ZNF609: variants seen among roughly 807,000 people sequenced by gnomAD.
The protein encoded by ZNF609 is zinc finger protein 609.
ZNF609 carries 11 observed loss-of-function variants against 109.5 expected under a neutral mutation model. That is an observed-to-expected ratio of 0.10 (90% CI 0.06 to 0.17). The LOEUF (loss-of-function observed/expected upper bound fraction) is 0.17. Among genes scored for constraint, ZNF609 ranks in the 10% least tolerant of loss-of-function variants. The pLI, the probability that ZNF609 is intolerant of heterozygous loss-of-function variation, is 1.00. For missense variants in ZNF609, 1,559 were observed against 1,772.4 expected (o/e 0.88, Z 2.16); for synonymous variants, 646 against 662.0 (o/e 0.98, Z 0.37).
At position 64,577,345 on chromosome 15, in the gene ZNF609, GTA is replaced by G. The variant is rs1459001053; in HGVS notation, c.748-45473_748-45472del. 4.3e-3 allele frequency among the ~76,000 whole-genome samples: 46 copies of G among 10,618 alleles called. 21 individuals are homozygous for G. The highest frequency in any genetic ancestry group is 7.4e-3 in the Non-Finnish European group (20 of 2,702). 7.0% of individuals were successfully genotyped at this position (10,618 alleles called of 152,430 possible). A position where few individuals can be genotyped will look rare whatever the true frequency, so the allele number is the denominator to read the frequency against. ...TACACACAAATATATACATATATAT[GTA>G]TATATATACACATATATGTATATAT... On this transcript the variant is annotated intron_variant, in intron 2 of 9. Transcript: ENST00000326648.
intron 3 of ZNF609, among the ~76,000 whole-genome samples, chr15:64,625,851 T>TGC (rs1292963667): frequency 7.7e-6 from 1 of 130,596 alleles, no homozygotes; most frequent in Non-Finnish European, 1.5e-5. Flanking sequence ...ATTGCACCAC[T>TGC]GCACTCCAGC....
At chr15:64,577,005 T>C (rs1894976572) in intron 2 of ZNF609, among the ~76,000 whole-genome samples, 1 of 125,418 alleles carries the variant, frequency 8.0e-6, no homozygotes, top group Non-Finnish European at 1.7e-5. Context: ...TAAATATATA[T>C]ATGTATGTAT....
intron 2 of ZNF609, among the ~76,000 whole-genome samples, chr15:64,583,223 G>T (rs1444507557): frequency 6.6e-6 from 1 of 151,896 alleles, no homozygotes; most frequent in East Asian, 1.9e-4. Flanking sequence ...AGTAGAGACG[G>T]GGTTTCATCA....
At chr15:64,463,974 A>C (rs936604741) in intron 1 of ZNF609, among the ~76,000 whole-genome samples, 1 of 152,116 alleles carries the variant, frequency 6.6e-6, no homozygotes, top group Non-Finnish European at 1.5e-5. Flanking sequence ...CCCTTGCCAC[A>C]AGGAATCTCA....
At chr15:64,572,224 G>A (rs1894869406) in intron 2 of ZNF609, among the ~76,000 whole-genome samples, 1 of 152,212 alleles carries the variant, frequency 6.6e-6, no homozygotes, top group Non-Finnish European at 1.5e-5. Context: ...CTGGCCAGGT[G>A]TGGTAGCTGA....
chr15:64,633,456 T>G (rs1896117572), intron 3 of ZNF609, among the ~76,000 whole-genome samples: 1 of 152,100 alleles, frequency 6.6e-6, no homozygotes, highest in African/African-American at 2.4e-5. Flanking sequence ...CTATAATATT[T>G]TCTTACGGAA....
intron 2 of ZNF609, among the ~76,000 whole-genome samples, chr15:64,606,388 G>A (rs1267858645): frequency 2.6e-5 from 4 of 151,102 alleles, no homozygotes; most frequent in South Asian, 2.1e-4. Context: ...GTGAAACCCC[G>A]TCTCTACTAA....
intron 2 of ZNF609, among the ~76,000 whole-genome samples, chr15:64,549,454 G>C (rs1894427208): frequency 6.6e-6 from 1 of 152,164 alleles, no homozygotes; most frequent in Admixed American, 6.5e-5. Flanking sequence ...GGGATTACAG[G>C]CATGAGCCAC....
At chr15:64,554,679 C>T (rs952210894) in intron 2 of ZNF609, among the ~76,000 whole-genome samples, 3 of 152,104 alleles carry the variant, frequency 2.0e-5, no homozygotes, top group Non-Finnish European at 4.4e-5. Flanking sequence ...TAGTCTCTTA[C>T]TATGGTGAAT....
chr15:64,578,761 G>A (rs1344472310), intron 2 of ZNF609, among the ~76,000 whole-genome samples: 1 of 152,194 alleles, frequency 6.6e-6, no homozygotes, highest in African/African-American at 2.4e-5. Context: ...CACTTTGGGA[G>A]GCCAAGGCGC....
At chr15:64,530,178 C>A (rs1894039039) in intron 2 of ZNF609, among the ~76,000 whole-genome samples, 1 of 152,016 alleles carries the variant, frequency 6.6e-6, no homozygotes, top group Admixed American at 6.6e-5. Flanking sequence ...CCACGCCTGG[C>A]TAATTTTTGT....
At chr15:64,564,872 G>T (rs1894750232) in intron 2 of ZNF609, among the ~76,000 whole-genome samples, 1 of 150,876 alleles carries the variant, frequency 6.6e-6, no homozygotes, top group African/African-American at 2.4e-5. Flanking sequence ...TTTAGAAACG[G>T]AGTCTCGCTC....
At chr15:64,560,671 G>A (rs1894661505) in intron 2 of ZNF609, among the ~76,000 whole-genome samples, 5 of 152,120 alleles carry the variant, frequency 3.3e-5, no homozygotes, top group Admixed American at 3.3e-4. Context: ...GGGATGCTTG[G>A]CAAGAGGAGT....
intron 2 of ZNF609, among the ~76,000 whole-genome samples, chr15:64,613,034 A>T (rs1427818399): frequency 6.6e-6 from 1 of 151,790 alleles, no homozygotes; most frequent in African/African-American, 2.4e-5. Context: ...AAAGAAAAGG[A>T]CCTGAGGCCA....
chr15:64,638,178 A>G lies in ZNF609; in HGVS notation c.973+15126A>G, dbSNP rs191246956. ...TATCAAAAAGACCATCCTTTCCCCC[A>G]TTGCACAGCAGTGTCACATTTGTCG... On this transcript the variant is annotated intron_variant, in intron 3 of 9. Transcript: ENST00000326648. 1.5e-3 allele frequency among the ~76,000 whole-genome samples: 226 copies of G among 151,650 alleles called. 1 individual carries two copies. Among genetic ancestry groups the G allele is most frequent in the African/African-American group, 5.2e-3 (214 of 41,382 alleles).
At chr15:64,507,196 G>A (rs76154929) in intron 2 of ZNF609, among the ~76,000 whole-genome samples, 1,977 of 152,282 alleles carry the variant, frequency 0.013, 33 homozygotes, top group African/African-American at 0.046. Context: ...GCAATCTCAC[G>A]GACACTGGAG....
chr15:64,459,994 A>T (rs537816218), upstream of ZNF609, among the ~76,000 whole-genome samples: 2 of 152,308 alleles, frequency 1.3e-5, no homozygotes, highest in African/African-American at 4.8e-5. Context: ...AAAGGGATAT[A>T]TAGAGGGATT....
At chr15:64,534,407 C>T (rs910963833) in intron 2 of ZNF609, among the ~76,000 whole-genome samples, 15 of 152,022 alleles carry the variant, frequency 9.9e-5, no homozygotes, top group South Asian at 2.1e-4. Context: ...CTCCGCCTCC[C>T]GGGTTCAAGC....
At chr15:64,678,041 C>T in intron 5 of ZNF609, 75 bp from the exon 6 acceptor site, 3 of 1,537,618 alleles carry the variant, frequency 2.0e-6, no homozygotes, top group Non-Finnish European at 2.6e-6. Context: ...TCTGGTGGTT[C>T]TACTGGGACC....
Sources: gnomAD v4.1 joint callset for allele counts (sites outside exome capture counted in the v4.1 genomes callset) on GRCh38, gnomAD v4.1.1 for gene constraint, MANE v1.5 for transcripts, NCBI Gene and HGNC (gene_info 2026-07-23, HGNC 2026-07-21) for gene names.